STXBP4: variants seen among roughly 807,000 people sequenced by gnomAD.
STXBP4 encodes syntaxin binding protein 4, also known as syntaxin-binding protein 4.
Under a neutral mutation model 76.1 loss-of-function variants are expected in STXBP4, and 55 were observed. The observed-to-expected ratio is 0.72, with a 90% CI of 0.58 to 0.91. The LOEUF is 0.91. Ranked by LOEUF, STXBP4 falls within the 40% of genes least tolerant of loss-of-function variation. The probability of loss-of-function intolerance (pLI) is 0.00; values close to 1 mark genes in which losing one functional copy is unlikely to be tolerated. For missense variants in STXBP4, 618 were observed against 636.9 expected (o/e 0.97, Z 0.32); for synonymous variants, 201 against 220.2 (o/e 0.91, Z 0.77).
At chr17:55,208,735 A>G in the STXBP4 span, among the ~76,000 whole-genome samples, 1 of 152,178 alleles carries the variant, frequency 6.6e-6, no homozygotes, top group African/African-American at 2.4e-5. Flanking sequence ...TTGAAAATAA[A>G]ACAGACCTGC....
intron 16 of STXBP4, among the ~76,000 whole-genome samples, chr17:55,138,591 G>A (rs552222267): frequency 2.6e-5 from 4 of 152,052 alleles, no homozygotes; most frequent in Admixed American, 6.6e-5. Context: ...AGCAATTTCA[G>A]GTAGTTATAG....
intron 16 of STXBP4, among the ~76,000 whole-genome samples, chr17:55,134,121 A>G (rs528053832): frequency 9.9e-5 from 15 of 152,162 alleles, no homozygotes; most frequent in Non-Finnish European, 1.6e-4. Flanking sequence ...AGTTTTGAGT[A>G]AGTAAGATGG....
At chr17:55,032,280 A>G (rs2078522738) in intron 9 of STXBP4, among the ~76,000 whole-genome samples, 1 of 151,984 alleles carries the variant, frequency 6.6e-6, no homozygotes, top group Non-Finnish European at 1.5e-5. Flanking sequence ...TTAAGTGATG[A>G]AAAAAAGATA....
intron 1 of STXBP4, among the ~76,000 whole-genome samples, chr17:54,973,599 G>T (rs567259908): frequency 6.6e-6 from 1 of 152,318 alleles, no homozygotes; most frequent in East Asian, 1.9e-4. Context: ...ATGCTGAAAT[G>T]AATATTTTTT....
chr17:54,998,742 T>C (rs2077856437), intron 4 of STXBP4, among the ~76,000 whole-genome samples: 1 of 152,166 alleles, frequency 6.6e-6, no homozygotes, highest in African/African-American at 2.4e-5. Flanking sequence ...TCCGAGCACT[T>C]TGGGAGGCCA....
At chr17:54,997,972 C>T (rs1023578220) in intron 4 of STXBP4, among the ~76,000 whole-genome samples, 3 of 151,864 alleles carry the variant, frequency 2.0e-5, no homozygotes, top group Non-Finnish European at 4.4e-5. Context: ...GGTCATTATG[C>T]ATCTAGATTA....
At chr17:55,088,218 A>AC (rs1240496673) in intron 16 of STXBP4, among the ~76,000 whole-genome samples, 1 of 151,452 alleles carries the variant, frequency 6.6e-6, no homozygotes, top group Admixed American at 6.6e-5. Context: ...TTCAGCCACA[A>AC]CCCCTCCCTC....
chr17:55,060,561 T>C (rs1240679937), intron 12 of STXBP4, among the ~76,000 whole-genome samples: 3 of 152,132 alleles, frequency 2.0e-5, no homozygotes, highest in Non-Finnish European at 4.4e-5. Context: ...AAACAAGCTG[T>C]GAAGGGCTCA....
intron 7 of STXBP4, among the ~76,000 whole-genome samples, chr17:55,001,938 A>G (rs764397534): frequency 6.6e-6 from 1 of 152,204 alleles, no homozygotes; most frequent in Non-Finnish European, 1.5e-5. Context: ...GCCTGGCTCA[A>G]TAGCTACCAA....
Position 55,066,763 on chromosome 17 carries a change from A to G in STXBP4, c.1012-6137A>G, listed in dbSNP as rs139189870. On this transcript the variant is annotated intron_variant, in intron 12 of 17. Transcript: ENST00000376352. ...GGTGGCTCACACCTGTAATCCCATC[A>G]CTTTCGGAGGCCGAGGTGGGTGGAT... 3.6e-3 allele frequency among the ~76,000 whole-genome samples: 554 copies of G among 152,198 alleles called. 3 individuals are homozygous for G. Among genetic ancestry groups the G allele is most frequent in the African/African-American group, 0.013 (536 of 41,542 alleles).
At chr17:55,088,676 C>T (rs11657763) in intron 16 of STXBP4, among the ~76,000 whole-genome samples, 9 of 152,262 alleles carry the variant, frequency 5.9e-5, no homozygotes, top group African/African-American at 1.7e-4. Flanking sequence ...GGATTACAGG[C>T]GTGAGCCACC....
At chr17:55,104,481 T>C (rs2079605815) in intron 16 of STXBP4, among the ~76,000 whole-genome samples, 1 of 152,222 alleles carries the variant, frequency 6.6e-6, no homozygotes, top group African/African-American at 2.4e-5. Flanking sequence ...GAAGCTGACT[T>C]TATCGTGGTG....
intron 12 of STXBP4, among the ~76,000 whole-genome samples, chr17:55,069,715 C>T (rs1198548184): frequency 6.6e-6 from 1 of 152,158 alleles, no homozygotes; most frequent in African/African-American, 2.4e-5. Flanking sequence ...GCATCTTTTA[C>T]CACCCAACTA....
At chr17:55,203,812 A>G in the STXBP4 span, among the ~76,000 whole-genome samples, 186 of 152,276 alleles carry the variant, frequency 1.2e-3, no homozygotes, top group African/African-American at 4.3e-3. Context: ...GAAGTTGGCC[A>G]TCAGTCTTTC....
chr17:55,188,077 A>G, the STXBP4 span, among the ~76,000 whole-genome samples: 5 of 152,340 alleles, frequency 3.3e-5, no homozygotes, highest in Admixed American at 2.0e-4. Context: ...GACCAACAGC[A>G]GTGAGTTTTG....
At chr17:55,030,698 G>T (rs2078492238) in intron 8 of STXBP4, 1 of 152,562 alleles carries the variant, frequency 6.6e-6, no homozygotes, top group African/African-American at 2.4e-5. Context: ...AAGCTTTTTA[G>T]TTTACTATTT....
At chr17:55,203,612 C>T in the STXBP4 span, among the ~76,000 whole-genome samples, 1 of 152,018 alleles carries the variant, frequency 6.6e-6, no homozygotes, top group Non-Finnish European at 1.5e-5. Flanking sequence ...TAAAACTAGA[C>T]CCAGTGAAAA....
chr17:55,078,179 T>G lies in STXBP4; in HGVS notation c.1290T>G (p.Leu430=). Residue 430 remains leucine, a synonymous_variant, in exon 14 of 18, where the codon CTT becomes CTG. Coordinates refer to ENST00000376352, the MANE Select transcript of STXBP4 (RefSeq NM_178509.6). ...CTTTTGAGGCATCCACTGAAAAGCTTCTTCATTTTGTAGAGGTAAGTTTTT... is the reference window on the plus strand; with the variant it reads ...CTTTTGAGGCATCCACTGAAAAGCTGCTTCATTTTGTAGAGGTAAGTTTTT... The part of the protein sequence containing the change: ...RKTFEASTEK[L]LHFVEAIQEV... 3 of 1,609,318 alleles carry G rather than the reference T, an allele frequency of 1.9e-6. No homozygotes were observed. The highest frequency in any genetic ancestry group is 2.5e-6 in the Non-Finnish European group (3 of 1,178,020).
At chr17:55,139,426 T>C (rs768254224) in intron 16 of STXBP4, among the ~76,000 whole-genome samples, 1 of 152,200 alleles carries the variant, frequency 6.6e-6, no homozygotes, top group Non-Finnish European at 1.5e-5. Flanking sequence ...ACTTAACTTT[T>C]AGCTGCCTTT....
Sources: allele counts gnomAD v4.1 joint callset (sites outside exome capture counted in the v4.1 genomes callset), GRCh38; gene constraint gnomAD v4.1.1; transcripts MANE v1.5; gene names NCBI Gene and HGNC (gene_info 2026-07-23, HGNC 2026-07-21).